GPHN: variants seen among roughly 807,000 people sequenced by gnomAD.
The protein encoded by GPHN is gephyrin.
In GPHN, 17 loss-of-function variants were observed where a neutral mutation model predicts 95.5. That is an observed-to-expected ratio of 0.18 (90% CI 0.12 to 0.27). The LOEUF (loss-of-function observed/expected upper bound fraction) is 0.27. Ranked by LOEUF, GPHN falls within the 10% of genes least tolerant of loss-of-function variation. GPHN has a pLI of 1.00. For synonymous variants in GPHN, 320 were observed against 322.5 expected (o/e 0.99, Z 0.08); for missense variants, 660 against 978.1 (o/e 0.67, Z 4.34).
chr14:67,562,514 C>T, the GPHN span: 26 of 1,610,946 alleles, frequency 1.6e-5, no homozygotes, highest in Admixed American at 6.7e-5. Context: ...AGGGATGCTC[C>T]CTGGGACAAA....
chr14:66,811,807 A>G (rs113928350), intron 3 of GPHN, among the ~76,000 whole-genome samples: 2,384 of 152,334 alleles, frequency 0.016, 33 homozygotes, highest in Non-Finnish European at 0.018. Flanking sequence ...TACTTTGAGA[A>G]TAAGCTTCAT....
chr14:66,976,915 T>TTG (rs1555455889), intron 9 of GPHN, among the ~76,000 whole-genome samples: 13 of 81,896 alleles, frequency 1.6e-4, no homozygotes, highest in African/African-American at 6.1e-4. Context: ...CAGAAATATG[T>TTG]GGGGGGGGGG....
At chr14:66,922,639 A>ATTTT (rs765769429) in intron 6 of GPHN, 27 bp from the exon 7 acceptor site, 9 of 1,562,170 alleles carry the variant, frequency 5.8e-6, no homozygotes, top group Non-Finnish European at 6.1e-6. Context: ...CTTCATCTTA[A>ATTTT]TTTTTTTTTC....
chr14:67,025,235 C>T lies in GPHN; in HGVS notation c.1006+1560C>T, dbSNP rs1305203537. 2.0e-5 allele frequency among the ~76,000 whole-genome samples: 3 copies of T among 152,214 alleles called. No individual in the cohort carries two copies. The South Asian group carries it at 6.2e-4, about 32-fold the overall frequency. ...TCCTTGGTAAAAATCTGTCTTATTA[C>T]CAATAACACTACTATTTGTCTCTGT... On this transcript the variant is annotated intron_variant, in intron 10 of 22. Coordinates refer to ENST00000478722, the MANE Select transcript of GPHN (RefSeq NM_020806.5).
At chr14:67,071,232 C>A (rs1280132306) in intron 11 of GPHN, among the ~76,000 whole-genome samples, 1 of 152,092 alleles carries the variant, frequency 6.6e-6, no homozygotes, top group Non-Finnish European at 1.5e-5. Flanking sequence ...TGGAACCAAC[C>A]CAAATGTCCA....
At chr14:67,417,771 T>C in the GPHN span, among the ~76,000 whole-genome samples, 103 of 151,704 alleles carry the variant, frequency 6.8e-4, no homozygotes, top group African/African-American at 2.4e-3. Flanking sequence ...TGAGATGGGG[T>C]TTCACTCTGT....
At chr14:66,542,955 C>G (rs1239990634) in intron 1 of GPHN, among the ~76,000 whole-genome samples, 2 of 152,118 alleles carry the variant, frequency 1.3e-5, no homozygotes, top group Non-Finnish European at 2.9e-5. Flanking sequence ...AGCATAGTGA[C>G]TGAGGCCTCA....
intron 3 of GPHN, among the ~76,000 whole-genome samples, chr14:66,789,145 C>G (rs1277753914): frequency 6.6e-6 from 1 of 152,206 alleles, no homozygotes; most frequent in Non-Finnish European, 1.5e-5. Flanking sequence ...TGTTCACACA[C>G]AGAATCTCTT....
the GPHN span, among the ~76,000 whole-genome samples, chr14:67,723,801 T>A: frequency 6.6e-6 from 1 of 152,264 alleles, no homozygotes; most frequent in Non-Finnish European, 1.5e-5. Flanking sequence ...CCCTCCGTAT[T>A]CTGTTTTAGG....
chr14:67,569,859 T>TC, the GPHN span: 1 of 1,067,968 alleles, frequency 9.4e-7, no homozygotes, highest in Non-Finnish European at 1.4e-6. Flanking sequence ...GTTCTCTGCT[T>TC]CCCCCACACC....
chr14:67,592,301 G>C, the GPHN span: 1 of 427,488 alleles, frequency 2.3e-6, no homozygotes, highest in Non-Finnish European at 4.4e-6. Context: ...TTAGCCAGGC[G>C]AGATGGTGCA....
chr14:67,080,901 C>T (rs2076670286), intron 11 of GPHN, among the ~76,000 whole-genome samples: 1 of 152,172 alleles, frequency 6.6e-6, no homozygotes, highest in Non-Finnish European at 1.5e-5. Context: ...GAATAATGGT[C>T]TCCAGTTCCA....
the GPHN span, among the ~76,000 whole-genome samples, chr14:67,380,427 T>G: frequency 1.4e-3 from 207 of 152,192 alleles, 6 homozygotes; most frequent in Non-Finnish European, 3.2e-4. Flanking sequence ...GTGTTAGGCA[T>G]TAAATTGCTT....
chr14:66,609,855 A>G (rs2062707803), intron 1 of GPHN, among the ~76,000 whole-genome samples: 1 of 152,100 alleles, frequency 6.6e-6, no homozygotes, highest in African/African-American at 2.4e-5. Flanking sequence ...GATTCCTTTG[A>G]TTCCTTGAAT....
chr14:67,515,535 C>T, the GPHN span: 1 of 155,482 alleles, frequency 6.4e-6, no homozygotes, highest in Non-Finnish European at 1.4e-5. Context: ...CGCCCGCTCG[C>T]CGGCCCGGCC....
chr14:66,717,951 T>C (rs1399572296), intron 2 of GPHN, among the ~76,000 whole-genome samples: 3 of 152,102 alleles, frequency 2.0e-5, no homozygotes, highest in Non-Finnish European at 2.9e-5. Context: ...TTAGCTTTGG[T>C]GGTTTAATGC....
intron 1 of GPHN, among the ~76,000 whole-genome samples, chr14:66,563,108 T>C (rs779194380): frequency 6.6e-6 from 1 of 150,696 alleles, no homozygotes; most frequent in Non-Finnish European, 1.5e-5. Context: ...TTTATTGGTA[T>C]AAATATATAA....
intron 8 of GPHN, among the ~76,000 whole-genome samples, chr14:66,932,826 T>C (rs1008279704): frequency 6.6e-6 from 1 of 152,082 alleles, no homozygotes; most frequent in Non-Finnish European, 1.5e-5. Flanking sequence ...CTCCAGGAGC[T>C]AAGGTTAAGA....
At chr14:67,199,744 G>A in the GPHN span, 5 of 1,564,972 alleles carry the variant, frequency 3.2e-6, no homozygotes, top group South Asian at 5.8e-5. Context: ...TATCATCATT[G>A]GGGTCTGGGC....
Sources: gnomAD v4.1 joint callset for allele counts (sites outside exome capture counted in the v4.1 genomes callset) on GRCh38, gnomAD v4.1.1 for gene constraint, MANE v1.5 for transcripts, NCBI Gene and HGNC (gene_info 2026-07-23, HGNC 2026-07-21) for gene names.